The following TENM3 variants were observed in gnomAD, a reference collection of about 807,000 sequenced individuals.
TENM3 encodes teneurin transmembrane protein 3.
Under a neutral mutation model 255.1 loss-of-function variants are expected in TENM3, and 63 were observed. The ratio of observed to expected loss-of-function variants is 0.25; its 90% CI spans 0.20 to 0.30. The LOEUF (loss-of-function observed/expected upper bound fraction) is 0.30, where lower values mean the gene tolerates loss of function less well. TENM3 is among the 10% of genes least tolerant of loss of function. TENM3 has a pLI of 1.00. For missense variants in TENM3, 2,929 were observed against 3,461.1 expected, an observed-to-expected ratio of 0.85 and a Z score of 3.86; for synonymous variants, 1,306 against 1,322.3, an observed-to-expected ratio of 0.99 and a Z score of 0.27.
chr4:182,049,752 G>C, the TENM3 span, among the ~76,000 whole-genome samples: 86 of 152,288 alleles, frequency 5.6e-4, no homozygotes, highest in African/African-American at 2.0e-3. Flanking sequence ...TCTCGGCATC[G>C]GCGACAGCTT....
At chr4:182,351,002 A>G (rs2150702077) in intron 3 of TENM3, among the ~76,000 whole-genome samples, 1 of 152,268 alleles carries the variant, frequency 6.6e-6, no homozygotes, top group Non-Finnish European at 1.5e-5. Context: ...TTGTTAAAAG[A>G]GCCGTGACTG....
At chr4:181,947,478 T>G in the TENM3 span, among the ~76,000 whole-genome samples, 12 of 152,200 alleles carry the variant, frequency 7.9e-5, no homozygotes, top group Non-Finnish European at 1.8e-4. Flanking sequence ...TTCTTCCCGT[T>G]TACTCTTTCA....
the TENM3 span, among the ~76,000 whole-genome samples, chr4:182,010,265 A>G: frequency 2.0e-5 from 3 of 152,190 alleles, no homozygotes; most frequent in Non-Finnish European, 4.4e-5. Flanking sequence ...TTTATTCTGA[A>G]AAAGAAAACA....
At chr4:181,717,359 T>A in the TENM3 span, among the ~76,000 whole-genome samples, 1 of 147,136 alleles carries the variant, frequency 6.8e-6, no homozygotes, top group Non-Finnish European at 1.5e-5. Flanking sequence ...AATGTCCTAG[T>A]AGAGATATTT....
the TENM3 span, among the ~76,000 whole-genome samples, chr4:181,510,243 C>G: frequency 6.6e-6 from 1 of 152,038 alleles, no homozygotes; most frequent in African/African-American, 2.4e-5. Context: ...TTTTTCTTCC[C>G]TTTGAACATT....
chr4:182,752,508 G>A (rs1222355359), intron 20 of TENM3, among the ~76,000 whole-genome samples: 3 of 101,124 alleles, frequency 3.0e-5, no homozygotes, highest in Admixed American at 1.2e-4. Flanking sequence ...CTTGCTGAGA[G>A]GAATTTTGGG....
chr4:181,843,518 G>A, the TENM3 span, among the ~76,000 whole-genome samples: 11 of 152,154 alleles, frequency 7.2e-5, no homozygotes, highest in Non-Finnish European at 1.5e-4. Flanking sequence ...TTTCATCACA[G>A]TAAGTGTTGT....
the TENM3 span, among the ~76,000 whole-genome samples, chr4:181,608,605 G>T: frequency 2.0e-5 from 3 of 151,592 alleles, no homozygotes; most frequent in African/African-American, 4.9e-5. Flanking sequence ...AAAAATATCA[G>T]AAAGGTATTT....
At chr4:182,467,428 C>T (rs1436765650) in intron 3 of TENM3, among the ~76,000 whole-genome samples, 3 of 152,036 alleles carry the variant, frequency 2.0e-5, no homozygotes, top group Non-Finnish European at 4.4e-5. Flanking sequence ...CATAAATATA[C>T]ATAAAGCATA....
At chr4:182,001,852 G>C in the TENM3 span, among the ~76,000 whole-genome samples, 61 of 152,166 alleles carry the variant, frequency 4.0e-4, no homozygotes, top group African/African-American at 1.4e-3. Context: ...GAGACCTAAG[G>C]TATTTCTAAA....
At chr4:182,798,491 C>T (rs1457084540) in intron 27 of TENM3, among the ~76,000 whole-genome samples, 1 of 152,156 alleles carries the variant, frequency 6.6e-6, no homozygotes, top group East Asian at 1.9e-4. Flanking sequence ...TGTAAGTGCC[C>T]GCTATGATGT....
the TENM3 span, among the ~76,000 whole-genome samples, chr4:181,729,830 C>A: frequency 6.6e-6 from 1 of 152,148 alleles, no homozygotes; most frequent in African/African-American, 2.4e-5. Context: ...ATGGCCAAGT[C>A]CAAGGACAGA....
chr4:181,851,308 C>T, the TENM3 span, among the ~76,000 whole-genome samples: 1 of 152,204 alleles, frequency 6.6e-6, no homozygotes, highest in Non-Finnish European at 1.5e-5. Context: ...CAAAGTTCAA[C>T]CCATACAACA....
chr4:182,768,796 G>A (rs1301932998), intron 22 of TENM3, among the ~76,000 whole-genome samples: 1 of 152,072 alleles, frequency 6.6e-6, no homozygotes, highest in Non-Finnish European at 1.5e-5. Context: ...ATCAAATAAG[G>A]GCATCTCATC....
At chr4:182,655,606 G>A (rs1424829676) in intron 6 of TENM3, among the ~76,000 whole-genome samples, 5 of 152,130 alleles carry the variant, frequency 3.3e-5, no homozygotes, top group African/African-American at 4.8e-5. Context: ...TTTGGGCGGC[G>A]TGCTTGGTTA....
At chr4:182,441,145 T>G (rs1772449983) in intron 3 of TENM3, among the ~76,000 whole-genome samples, 1 of 152,166 alleles carries the variant, frequency 6.6e-6, no homozygotes. Flanking sequence ...TATCACAAAA[T>G]TAGATCATGT....
the TENM3 span, among the ~76,000 whole-genome samples, chr4:181,775,443 T>C: frequency 1.3e-5 from 2 of 152,160 alleles, no homozygotes; most frequent in South Asian, 4.1e-4. Context: ...ATTTTATTGG[T>C]TACAGTGCAA....
chr4:182,209,855 C>T (rs535573570), intron 1 of TENM3, among the ~76,000 whole-genome samples: 2 of 152,006 alleles, frequency 1.3e-5, no homozygotes, highest in Admixed American at 1.3e-4. Context: ...GGCTCTCTCT[C>T]TCAGTTGATG....
At chr4:181,921,449 C>T in the TENM3 span, among the ~76,000 whole-genome samples, 22 of 152,160 alleles carry the variant, frequency 1.4e-4, no homozygotes, top group African/African-American at 4.3e-4. Context: ...AGCTCCTTCA[C>T]GTCCCTTGTA....
Sources: allele counts gnomAD v4.1 joint callset (sites outside exome capture counted in the v4.1 genomes callset), GRCh38; gene constraint gnomAD v4.1.1; transcripts MANE v1.5; gene names NCBI Gene and HGNC (gene_info 2026-07-23, HGNC 2026-07-21).